The following IL17B variants were observed in gnomAD, a reference collection of about 807,000 sequenced individuals.
IL17B encodes the protein interleukin 17B.
A neutral mutation model predicts 14.7 loss-of-function variants in IL17B; 14 were observed. That is an observed-to-expected ratio of 0.95 (90% confidence interval 0.63 to 1.49). The LOEUF (loss-of-function observed/expected upper bound fraction) is 1.49. IL17B is among the 40% of genes most tolerant of loss of function. IL17B has a pLI of 0.00. For synonymous variants in IL17B, 105 were observed against 94.8 expected (o/e 1.11, Z -0.62); for missense variants, 233 against 252.8 (o/e 0.92, Z 0.53).
Position 149,401,351 on chromosome 5 carries a change from T to C in IL17B, n.95+2757A>G, listed in dbSNP as rs1244426736. Among the ~76,000 whole-genome samples, 3 of 152,262 alleles carry C rather than the reference T, an allele frequency of 2.0e-5. No individual in the cohort carries two copies. In the East Asian group the frequency reaches 5.8e-4, roughly 29 times the overall value. ...AATTAAATTTTCAATTTTTCACAGT[T>C]GCCATACATAAATTCTAAAACAAAG... On this transcript the variant is annotated intron_variant and non_coding_transcript_variant, in intron 1 of 2. Transcript: ENST00000505432.
chr5:149,382,888 A>C (rs1758734111), upstream of IL17B, among the ~76,000 whole-genome samples: 1 of 152,232 alleles, frequency 6.6e-6, no homozygotes. Flanking sequence ...TATGTGAACT[A>C]AAATATTGAT....
chr5:149,396,230 C>A (rs1173407760), intron 1 of IL17B, among the ~76,000 whole-genome samples: 2 of 152,192 alleles, frequency 1.3e-5, no homozygotes, highest in Non-Finnish European at 2.9e-5. Context: ...ATCTTCAAAT[C>A]AGCATTGATA....
upstream of IL17B, among the ~76,000 whole-genome samples, chr5:149,381,305 G>C (rs562036591): frequency 6.6e-6 from 1 of 152,202 alleles, no homozygotes; most frequent in East Asian, 1.9e-4. Flanking sequence ...CAGCCCCAGA[G>C]ATGCTGAAGT....
At chr5:149,376,685 A>G (rs1488899393) in intron 2 of IL17B, 51 bp downstream of exon 2, 1 of 1,544,972 alleles carries the variant, frequency 6.5e-7, no homozygotes, top group Admixed American at 2.0e-5. Flanking sequence ...ACTGGGGCAC[A>G]GGAAAGGTCC....
chr5:149,397,252 A>T (rs1335144076), intron 1 of IL17B, among the ~76,000 whole-genome samples: 1 of 151,930 alleles, frequency 6.6e-6, no homozygotes, highest in Non-Finnish European at 1.5e-5. Context: ...TCACTGCAAC[A>T]TCTACCCCTT....
intron 1 of IL17B, among the ~76,000 whole-genome samples, chr5:149,389,569 C>A (rs990244636): frequency 1.3e-5 from 2 of 152,228 alleles, no homozygotes; most frequent in African/African-American, 4.8e-5. Flanking sequence ...TAATCCCAGT[C>A]ATGGGGCTTT....
chr5:149,391,605 C>T (rs1561716363), intron 1 of IL17B, among the ~76,000 whole-genome samples: 1 of 152,218 alleles, frequency 6.6e-6, no homozygotes, highest in Non-Finnish European at 1.5e-5. Flanking sequence ...GTCTCTGAGG[C>T]TACTACCCAT....
At chr5:149,400,285 A>C (rs1759180820) in intron 1 of IL17B, among the ~76,000 whole-genome samples, 1 of 152,296 alleles carries the variant, frequency 6.6e-6, no homozygotes, top group African/African-American at 2.4e-5. Flanking sequence ...AGGGCGATAC[A>C]TCTACAAGCC....
At chr5:149,402,284 T>C (rs971826508) in intron 1 of IL17B, among the ~76,000 whole-genome samples, 1 of 152,126 alleles carries the variant, frequency 6.6e-6, no homozygotes, top group African/African-American at 2.4e-5. Flanking sequence ...TGGAAGACGG[T>C]GCTCCCCCTA....
At chr5:149,388,499 T>G (rs1429248388) in intron 1 of IL17B, among the ~76,000 whole-genome samples, 3 of 152,168 alleles carry the variant, frequency 2.0e-5, no homozygotes, top group Non-Finnish European at 4.4e-5. Context: ...CCCCAGCCTT[T>G]TATTAGCGTT....
intron 1 of IL17B, among the ~76,000 whole-genome samples, chr5:149,397,093 A>G (rs563741426): frequency 2.0e-5 from 3 of 152,348 alleles, no homozygotes; most frequent in Non-Finnish European, 2.9e-5. Context: ...TATATGTTGT[A>G]CATTTGAGTG....
rs1232885860 is a variant in IL17B, at chr5:149,402,847, C to CA, written n.95+1260dup. On this transcript the variant is annotated intron_variant and non_coding_transcript_variant, in intron 1 of 2. Coordinates refer to the IL17B transcript ENST00000505432. The stretch of plus-strand genomic sequence containing the variant: ...TGAAACCCCATCTCTATTAAAAATA[C>CA]AAAAAATTAGCCAGGCGTGGTGGCA... Among the ~76,000 whole-genome samples the CA allele has an allele frequency of 4.0e-5, 6 of 151,434 alleles. No homozygotes were observed. The East Asian group carries it at 1.2e-3, about 30-fold the overall frequency.
chr5:149,387,991 A>G (rs760370404), intron 1 of IL17B, among the ~76,000 whole-genome samples: 52 of 152,274 alleles, frequency 3.4e-4, no homozygotes, highest in African/African-American at 1.2e-3. Flanking sequence ...GCTTAGGGAA[A>G]GTGAATGAGC....
chr5:149,386,346 A>G (rs1391207839), intron 1 of IL17B, among the ~76,000 whole-genome samples: 1 of 152,186 alleles, frequency 6.6e-6, no homozygotes, highest in Non-Finnish European at 1.5e-5. Context: ...AGCTGTGCAC[A>G]ACACAACACT....
intron 1 of IL17B, among the ~76,000 whole-genome samples, chr5:149,390,630 C>CACACACACACACACACACAGAG (rs1491235916): frequency 2.0e-4 from 27 of 132,078 alleles, no homozygotes; most frequent in African/African-American, 6.7e-4. Flanking sequence ...CACACACACA[C>CACACACACACACACACACAGAG]AGAGATACAC....
chr5:149,378,555 T>C (rs1758605613), intron 1 of IL17B, among the ~76,000 whole-genome samples: 1 of 152,208 alleles, frequency 6.6e-6, no homozygotes, highest in African/African-American at 2.4e-5. Flanking sequence ...ATGCCTCACC[T>C]CACAGCCCCA....
At chr5:149,385,318 G>C (rs1758802236) in intron 1 of IL17B, among the ~76,000 whole-genome samples, 1 of 152,006 alleles carries the variant, frequency 6.6e-6, no homozygotes, top group South Asian at 2.1e-4. Context: ...TCGTGCCATT[G>C]CACTCTAGCC....
intron 1 of IL17B, among the ~76,000 whole-genome samples, chr5:149,385,365 A>G (rs1456384365): frequency 1.7e-5 from 2 of 120,790 alleles, no homozygotes; most frequent in East Asian, 4.6e-4. Context: ...CAGAAAAAAC[A>G]AAAAAAAATC....
chr5:149,401,603 G>C (rs1328118403), intron 1 of IL17B, among the ~76,000 whole-genome samples: 3 of 152,122 alleles, frequency 2.0e-5, no homozygotes, highest in African/African-American at 7.2e-5. Flanking sequence ...AAATTAGCCA[G>C]GTGTGGTAGC....
Sources: allele counts gnomAD v4.1 joint callset (sites outside exome capture counted in the v4.1 genomes callset), GRCh38; gene constraint gnomAD v4.1.1; transcripts MANE v1.5; gene names NCBI Gene and HGNC (gene_info 2026-07-23, HGNC 2026-07-21).